Variants in ASAP1 observed in about 807,000 individuals in gnomAD.
ASAP1 encodes the protein ArfGAP with SH3 domain, ankyrin repeat and PH domain 1.
In ASAP1, 43 loss-of-function variants were observed where a neutral mutation model predicts 145.2. The ratio of observed to expected loss-of-function variants is 0.30; its 90% confidence interval spans 0.23 to 0.38. ASAP1 has a LOEUF of 0.38. Ranked by LOEUF, ASAP1 falls within the 10% of genes least tolerant of loss-of-function variation. The pLI is 1.00. For synonymous variants in ASAP1, 546 were observed against 515.5 expected, an observed-to-expected ratio of 1.06 and a Z score of -0.80; for missense variants, 1,018 against 1,355.3, an observed-to-expected ratio of 0.75 and a Z score of 3.91.
At chr8:130,101,732 A>ATTTTTT (rs59778799) in intron 24 of ASAP1, among the ~76,000 whole-genome samples, 10,492 of 86,326 alleles carry the variant, frequency 0.12, 1,379 homozygotes, top group Non-Finnish European at 0.15. Context: ...CACCTGGTTA[A>ATTTTTT]TTTTTTTTTT....
intron 5 of ASAP1, among the ~76,000 whole-genome samples, chr8:130,188,994 G>A (rs1814949535): frequency 6.6e-6 from 1 of 151,750 alleles, no homozygotes; most frequent in Non-Finnish European, 1.5e-5. Context: ...AAATTACTGT[G>A]TTTGGATTTT....
intron 4 of ASAP1, among the ~76,000 whole-genome samples, chr8:130,222,674 T>C (rs1444250458): frequency 2.6e-5 from 4 of 152,332 alleles, no homozygotes; most frequent in Middle Eastern, 3.4e-3. Flanking sequence ...TGTAATAATA[T>C]TGACAAAGTA....
chr8:130,056,247 G>T (rs184066041), intron 29 of ASAP1, among the ~76,000 whole-genome samples: 41 of 152,312 alleles, frequency 2.7e-4, no homozygotes, highest in Non-Finnish European at 4.3e-4. Flanking sequence ...TGATTCACGT[G>T]GGGGGGCTTC....
At chr8:130,135,523 CAAAACAA>C (rs2097592531) in intron 14 of ASAP1, among the ~76,000 whole-genome samples, 1 of 133,468 alleles carries the variant, frequency 7.5e-6, no homozygotes, top group South Asian at 3.0e-4. Context: ...CAAAACAAAA[CAAAACAA>C]AAAAAAGAAC....
intron 15 of ASAP1, among the ~76,000 whole-genome samples, chr8:130,130,873 TA>T (rs1020241797): frequency 5.4e-5 from 8 of 147,206 alleles, no homozygotes; most frequent in Admixed American, 1.4e-4. Flanking sequence ...GATCTCATTT[TA>T]AAAAAAAAAG....
chr8:130,441,506 C>T (rs150156841), intron 1 of ASAP1, among the ~76,000 whole-genome samples: 23 of 152,262 alleles, frequency 1.5e-4, no homozygotes, highest in Admixed American at 1.4e-3. Context: ...GATCCAAATA[C>T]GGCTGAGACC....
Position 130,060,465 on chromosome 8 carries a change from G to T in ASAP1, c.3192+114C>A, listed in dbSNP as rs2097416599. The T allele has an allele frequency of 2.3e-5, 32 of 1,372,196 alleles. No individual in the cohort carries two copies. In the South Asian group the frequency reaches 3.9e-4, roughly 17 times the overall value. 85.0% of individuals were successfully genotyped at this position (1,372,196 alleles called of 1,614,324 possible). A position where few individuals can be genotyped will look rare whatever the true frequency, so the allele number is the denominator to read the frequency against. ...ATCATGCTTGAACCAGAGCACATAA[G>T]GGTCAGGTGAGCAAGCTCTCACTTT... On this transcript the variant is annotated intron_variant, in intron 28 of 29. Transcript: ENST00000518721.
chr8:130,179,004 T>C lies in ASAP1; in HGVS notation c.746+260A>G, dbSNP rs543086410. 3 of 316,764 alleles carry C rather than the reference T, an allele frequency of 9.5e-6. No homozygotes were observed. The South Asian group carries it at 1.9e-4, about 20-fold the overall frequency. The allele number at this position is 316,764 out of a possible 1,614,324, so 19.6% of individuals were successfully genotyped here. A position where few individuals can be genotyped will look rare whatever the true frequency, so the allele number is the denominator to read the frequency against. ...TCTGTAATAAGAGCTCCACAGGCGA[T>C]CAAATTTAGGAAGAAGTATTTGTAA... On this transcript the variant is annotated intron_variant, in intron 9 of 29. Transcript: ENST00000518721.
chr8:130,066,349 C>T (rs1386315902), intron 27 of ASAP1, among the ~76,000 whole-genome samples: 1 of 152,144 alleles, frequency 6.6e-6, no homozygotes, highest in East Asian at 1.9e-4. Flanking sequence ...GCCCACCTGC[C>T]TCCTGCAGAC....
intron 3 of ASAP1, among the ~76,000 whole-genome samples, chr8:130,260,258 A>T (rs1334402792): frequency 1.3e-5 from 2 of 152,158 alleles, no homozygotes; most frequent in African/African-American, 4.8e-5. Flanking sequence ...ATACCATCAC[A>T]GTCTCTTCCA....
At chr8:130,082,920 T>C (rs1391044202) in intron 25 of ASAP1, 1 of 152,176 alleles carries the variant, frequency 6.6e-6, no homozygotes, top group Non-Finnish European at 1.5e-5. Flanking sequence ...ATATCAAATC[T>C]TATACTTTCC....
At chr8:130,166,189 T>C (rs550280815) in intron 11 of ASAP1, among the ~76,000 whole-genome samples, 1 of 152,256 alleles carries the variant, frequency 6.6e-6, no homozygotes, top group East Asian at 1.9e-4. Context: ...CAAAATTTTT[T>C]GTAGACACAG....
At chr8:130,065,700 T>C (rs911596986) in intron 27 of ASAP1, among the ~76,000 whole-genome samples, 6 of 152,226 alleles carry the variant, frequency 3.9e-5, no homozygotes, top group Non-Finnish European at 7.3e-5. Flanking sequence ...ATCAGAACAT[T>C]TGTTGTAGCA....
intron 1 of ASAP1, among the ~76,000 whole-genome samples, chr8:130,436,965 C>T (rs1830333481): frequency 3.3e-5 from 5 of 151,694 alleles, no homozygotes; most frequent in Admixed American, 2.6e-4. Context: ...ATTAGCCAGG[C>T]GTGGTGGAAC....
At chr8:130,287,818 C>CACCTCTAT (rs1821709006) in intron 3 of ASAP1, among the ~76,000 whole-genome samples, 1 of 152,184 alleles carries the variant, frequency 6.6e-6, no homozygotes, top group Non-Finnish European at 1.5e-5. Context: ...TGGGTTTTGT[C>CACCTCTAT]ACCTCTATAC....
intron 3 of ASAP1, among the ~76,000 whole-genome samples, chr8:130,349,412 TAGC>T (rs1825870855): frequency 6.6e-6 from 1 of 152,104 alleles, no homozygotes; most frequent in East Asian, 1.9e-4. Context: ...TACAGGGCAA[TAGC>T]AACAAGGATA....
intron 27 of ASAP1, among the ~76,000 whole-genome samples, chr8:130,073,345 G>A (rs1474048662): frequency 2.0e-5 from 3 of 149,608 alleles, no homozygotes; most frequent in Non-Finnish European, 3.0e-5. Context: ...AGCTGAGATC[G>A]CACCATTGCA....
chr8:130,356,721 C>T (rs1826332865), intron 3 of ASAP1, among the ~76,000 whole-genome samples: 1 of 152,072 alleles, frequency 6.6e-6, no homozygotes, highest in Admixed American at 6.5e-5. Context: ...CAGATGGGAC[C>T]CAGCACTAAC....
At chr8:130,414,297 T>C (rs565593183) in intron 1 of ASAP1, among the ~76,000 whole-genome samples, 32 of 152,346 alleles carry the variant, frequency 2.1e-4, no homozygotes, top group African/African-American at 7.7e-4. Context: ...ATGTGTGTTG[T>C]TTCAAGCCAT....
Sources: allele counts gnomAD v4.1 joint callset (sites outside exome capture counted in the v4.1 genomes callset), GRCh38; gene constraint gnomAD v4.1.1; transcripts MANE v1.5; gene names NCBI Gene and HGNC (gene_info 2026-07-23, HGNC 2026-07-21).